The following SEPTIN9 variants were observed in gnomAD, a reference collection of about 807,000 sequenced individuals.
The protein encoded by SEPTIN9 is septin-9.
A neutral mutation model predicts 56.6 loss-of-function variants in SEPTIN9; 13 were observed. The ratio of observed to expected loss-of-function variants is 0.23; its 90% CI spans 0.15 to 0.37. The LOEUF is 0.37. Ranked by LOEUF, SEPTIN9 falls within the 10% of genes least tolerant of loss-of-function variation. SEPTIN9 has a pLI of 1.00. For synonymous variants in SEPTIN9, 332 were observed against 334.1 expected (o/e 0.99, Z 0.07); for missense variants, 650 against 823.1 (o/e 0.79, Z 2.57).
At chr17:77,427,320 C>G (rs896121786) in intron 3 of SEPTIN9, 1 of 152,254 alleles carries the variant, frequency 6.6e-6, no homozygotes, top group African/African-American at 2.4e-5. Context: ...TAACCCAGCA[C>G]AAGTGGACGA....
chr17:77,442,592 G>T (rs1425883730), intron 3 of SEPTIN9, among the ~76,000 whole-genome samples: 1 of 151,834 alleles, frequency 6.6e-6, no homozygotes, highest in Non-Finnish European at 1.5e-5. Flanking sequence ...CATATTATGG[G>T]CCGGGTGCGA....
chr17:77,405,358 C>A lies in SEPTIN9; in HGVS notation c.721+2655C>A, dbSNP rs1449838855. 6.6e-6 allele frequency among the ~76,000 whole-genome samples: 1 copy of A among 152,058 alleles called. No individual in the cohort carries two copies. Among genetic ancestry groups the A allele is most frequent in the Non-Finnish European group, 1.5e-5 (1 of 67,994 alleles). ...GCAGTGGAAGTACAATTTCATCAGGCCAGGAAGGGGAGAGAAAGGCAGGCC... is the reference window on the plus strand; with the variant it reads ...GCAGTGGAAGTACAATTTCATCAGGACAGGAAGGGGAGAGAAAGGCAGGCC... On this transcript the variant is annotated intron_variant, in intron 3 of 11. Coordinates refer to ENST00000427177, the MANE Select transcript of SEPTIN9 (RefSeq NM_001113491.2). The surrounding 1 kb of genome is among the most constrained non-coding windows in gnomAD (Gnocchi z 5.8).
chr17:77,493,522 C>T (rs1223979470), intron 10 of SEPTIN9, among the ~76,000 whole-genome samples: 1 of 152,170 alleles, frequency 6.6e-6, no homozygotes, highest in African/African-American at 2.4e-5. Context: ...GCTGTTGTAA[C>T]CAATTAGCAC....
Position 77,402,543 on chromosome 17 carries a change from G to A in SEPTIN9, c.561G>A (p.Arg187=). Residue 187 remains arginine, a synonymous_variant, in exon 3 of 12, where the codon AGG becomes AGA. Transcript: ENST00000427177. This position sits in a 1 kb window ranked among gnomAD's most constrained non-coding sequence, Gnocchi z 6.6. ...TAPATDAAPK[R]VEIQMPKPAE... ...CTGCCACCGACGCAGCCCCCAAGAG[G>A]GTGGAGATCCAGATGCCCAAGCCTG... 6.2e-7 allele frequency: 1 copy of A among 1,608,978 alleles called. No homozygotes were observed. The highest frequency in any genetic ancestry group is 8.5e-7 in the Non-Finnish European group (1 of 1,178,132).
rs1026771412 is a variant in SEPTIN9, at chr17:77,318,672, C to T, written c.76+11475C>T. Among the ~76,000 whole-genome samples, 1 of 151,990 alleles carries T rather than the reference C, an allele frequency of 6.6e-6. No homozygotes were observed. The highest frequency in any genetic ancestry group is 1.9e-4 in the East Asian group (1 of 5,174). The stretch of plus-strand genomic sequence containing the variant: ...TGTCTCCCAGAAGGCTGGGAATGGT[C>T]CTCCCCACCCCCCAGGAAGATGTCC... On this transcript the variant is annotated intron_variant, in intron 2 of 11. Transcript: ENST00000427177. This position sits in a 1 kb window ranked among gnomAD's most constrained non-coding sequence, Gnocchi z 4.9.
At chr17:77,438,986 A>ATTCTT (rs2037450476) in intron 3 of SEPTIN9, among the ~76,000 whole-genome samples, 1 of 152,190 alleles carries the variant, frequency 6.6e-6, no homozygotes, top group Non-Finnish European at 1.5e-5. Flanking sequence ...AATGAAGGCG[A>ATTCTT]GGGTGTGGGC....
intron 2 of SEPTIN9, among the ~76,000 whole-genome samples, chr17:77,391,031 C>T (rs1046836621): frequency 2.6e-5 from 4 of 152,172 alleles, no homozygotes; most frequent in Non-Finnish European, 5.9e-5. Context: ...GAAGGGCCGG[C>T]GGAGGCTGGG....
At chr17:77,324,819 A>ATTT (rs71160225) in intron 2 of SEPTIN9, among the ~76,000 whole-genome samples, 39,616 of 130,154 alleles carry the variant, frequency 0.3, 6,820 homozygotes, top group African/African-American at 0.34. Context: ...TTGATATGCA[A>ATTT]TTTTTTTTTT....
chr17:77,486,016 A>T (rs547491637), intron 4 of SEPTIN9, among the ~76,000 whole-genome samples: 4 of 152,094 alleles, frequency 2.6e-5, no homozygotes, highest in African/African-American at 9.6e-5. Context: ...GGGTTTCACC[A>T]TGTTGGCCAA....
Position 77,421,992 on chromosome 17 carries a change from G to A in SEPTIN9, c.721+19289G>A, listed in dbSNP as rs1429913762. On this transcript the variant is annotated intron_variant, in intron 3 of 11. Transcript: ENST00000427177. This position sits in a 1 kb window ranked among gnomAD's most constrained non-coding sequence, Gnocchi z 4.6. Reference sequence around the variant, plus strand: ...GCCTACCAAGTAGCTGGGACTACAGGTGTGTGCCACCATGCCTGGTTAATT... The same window carrying A: ...GCCTACCAAGTAGCTGGGACTACAGATGTGTGCCACCATGCCTGGTTAATT... Among the ~76,000 whole-genome samples the A allele has an allele frequency of 6.6e-6, 1 of 151,724 alleles. No homozygotes were observed. The highest frequency in any genetic ancestry group is 1.5e-5 in the Non-Finnish European group (1 of 67,952).
chr17:77,462,333 C>T, intron 3 of SEPTIN9, among the ~76,000 whole-genome samples: 1 of 152,166 alleles, frequency 6.6e-6, no homozygotes, highest in Non-Finnish European at 1.5e-5. Context: ...CCTTGACTTC[C>T]TGGGCTCAAG....
intron 2 of SEPTIN9, among the ~76,000 whole-genome samples, chr17:77,397,978 T>G (rs1267755546): frequency 1.6e-5 from 2 of 128,250 alleles, no homozygotes; most frequent in Non-Finnish European, 3.2e-5. Flanking sequence ...AGGTTTTGGT[T>G]GTTTTTTTTT....
rs569909292 is a variant in SEPTIN9, at chr17:77,415,134, T to C, written c.721+12431T>C. Among the ~76,000 whole-genome samples the C allele has an allele frequency of 2.6e-5, 4 of 152,094 alleles. No individual in the cohort carries two copies. The South Asian group carries it at 6.2e-4, about 24-fold the overall frequency. ...AAAAAAAATGCTGGTCACCACCCAC[T>C]AGATCGTTTTCTTGGCCCACAGGGT... On this transcript the variant is annotated intron_variant, in intron 3 of 11. Coordinates refer to ENST00000427177, the MANE Select transcript of SEPTIN9 (RefSeq NM_001113491.2).
At position 77,350,754 on chromosome 17, in the gene SEPTIN9, G is replaced by A. The variant is rs376132313; in HGVS notation, c.76+43557G>A. 9.4e-4 allele frequency among the ~76,000 whole-genome samples: 143 copies of A among 152,276 alleles called. 7 individuals are homozygous for A. The South Asian group carries it at 0.024, about 26-fold the overall frequency. ...AGCAGAGAGGAGGAAACGGGGGCGG[G>A]GGTGAGGGTGGGAACAGGAGGTGGG... On this transcript the variant is annotated intron_variant, in intron 2 of 11. Transcript: ENST00000427177.
chr17:77,286,021 G>T (rs890194640), intron 1 of SEPTIN9, among the ~76,000 whole-genome samples: 1 of 152,250 alleles, frequency 6.6e-6, no homozygotes, highest in African/African-American at 2.4e-5. Context: ...CCCCAGCCCC[G>T]TCTCCGCGCC....
intron 2 of SEPTIN9, among the ~76,000 whole-genome samples, chr17:77,315,581 C>A (rs59685564): frequency 1.3e-5 from 2 of 152,148 alleles, no homozygotes; most frequent in Non-Finnish European, 2.9e-5. Context: ...CCACTGCACC[C>A]GGCCACGACC....
chr17:77,373,354 AG>A (rs2143913878), intron 2 of SEPTIN9: 2 of 1,186,454 alleles, frequency 1.7e-6, no homozygotes, highest in South Asian at 4.0e-5. Flanking sequence ...CAGCTGAGCC[AG>A]GGGGCCTAGG....
chr17:77,496,768 G>T (rs958583239), intron 10 of SEPTIN9, among the ~76,000 whole-genome samples: 1 of 152,246 alleles, frequency 6.6e-6, no homozygotes, highest in African/African-American at 2.4e-5. Flanking sequence ...ACAGTACGTA[G>T]CCCCTGTGTG....
intron 3 of SEPTIN9, among the ~76,000 whole-genome samples, chr17:77,423,703 C>T (rs2036786772): frequency 6.6e-6 from 1 of 152,250 alleles, no homozygotes; most frequent in South Asian, 2.1e-4. Flanking sequence ...CGTCGCGTTC[C>T]TGCTGCAGGG....
Sources: gnomAD v4.1 joint callset for allele counts (sites outside exome capture counted in the v4.1 genomes callset) on GRCh38, gnomAD v4.1.1 for gene constraint, Gnocchi (gnomAD v3.1) non-coding constraint, MANE v1.5 for transcripts, NCBI Gene and HGNC (gene_info 2026-07-23, HGNC 2026-07-21) for gene names.